Variants in OVCH1 observed in about 807,000 individuals in gnomAD.
OVCH1 encodes the protein ovochymase 1.
In OVCH1, 139 loss-of-function variants were observed where a neutral mutation model predicts 138.4. The ratio of observed to expected loss-of-function variants is 1.00; its 90% CI spans 0.87 to 1.16. OVCH1 has a LOEUF of 1.16. OVCH1 is among the 50% of genes most tolerant of loss of function. The pLI is 0.00. For synonymous variants in OVCH1, 453 were observed against 467.8 expected (o/e 0.97, Z 0.41); for missense variants, 1,367 against 1,357.9 (o/e 1.01, Z -0.11).
intron 3 of OVCH1, among the ~76,000 whole-genome samples, chr12:29,415,124 T>A (rs2135875816): frequency 6.6e-6 from 1 of 152,300 alleles, no homozygotes; most frequent in Non-Finnish European, 1.5e-5. Flanking sequence ...CAGTTATAGA[T>A]AAGTTACTAA....
At chr12:29,413,716 T>C (rs1423985605) in intron 3 of OVCH1, among the ~76,000 whole-genome samples, 1 of 152,082 alleles carries the variant, frequency 6.6e-6, no homozygotes, top group Admixed American at 6.6e-5. Flanking sequence ...TGTTTTATTA[T>C]ATTTTGATTT....
At chr12:29,433,048 T>C (rs2135903702) in intron 27 of OVCH1, among the ~76,000 whole-genome samples, 1 of 152,284 alleles carries the variant, frequency 6.6e-6, no homozygotes, top group East Asian at 1.9e-4. Context: ...CCATGGAGTC[T>C]TGCTAAAAAA....
At chr12:29,422,611 A>C (rs888709516), downstream of OVCH1, among the ~76,000 whole-genome samples, 2 of 152,226 alleles carry the variant, frequency 1.3e-5, no homozygotes, top group African/African-American at 4.8e-5. Flanking sequence ...TGGGAGCATA[A>C]ACTAACAAAT....
intron 3 of OVCH1, among the ~76,000 whole-genome samples, chr12:29,417,713 T>G (rs1287669697): frequency 6.6e-6 from 1 of 152,056 alleles, no homozygotes; most frequent in Non-Finnish European, 1.5e-5. Context: ...CAACTCTCTA[T>G]CCCTGAGATT....
rs114661233 is a variant in OVCH1 at position 29,495,213 on chromosome 12, T to C, written c.454+72A>G. 7.4e-4 allele frequency: 1,036 copies of C among 1,394,822 alleles called. 4 individuals carry two copies. The African/African-American group carries it at 0.013, about 18-fold the overall frequency. 86.4% of individuals were successfully genotyped at this position (1,394,822 alleles called of 1,614,324 possible). ...CTATTACTAGACAGCCACACAGACATTAAAGTTAACTTGTACATAATTAGC... is the reference window on the plus strand; with the variant it reads ...CTATTACTAGACAGCCACACAGACACTAAAGTTAACTTGTACATAATTAGC... On this transcript the variant is annotated intron_variant, in intron 4 of 27. Coordinates refer to ENST00000318184, the Ensembl canonical transcript of OVCH1.
exon 22 of OVCH1, chr12:29,451,391 T>C: frequency 6.2e-7 from 1 of 1,613,200 alleles, no homozygotes. Flanking sequence ...TAATTAGAAC[T>C]GAGTCTTGAC....
At chr12:29,439,383 C>G (rs748282715) in exon 26 of OVCH1, 2 of 1,566,114 alleles carry the variant, frequency 1.3e-6, no homozygotes, top group Middle Eastern at 1.7e-4. Context: ...CAGTTTTTCT[C>G]TTTTTAATAT....
Position 29,486,399 on chromosome 12 carries a change from T to TA in OVCH1, c.893-52dup. The TA allele has an allele frequency of 2.2e-6, 3 of 1,368,828 alleles. No homozygotes were observed. The African/African-American group carries it at 4.4e-5, about 20-fold the overall frequency. The allele number at this position is 1,368,828 out of a possible 1,614,324, so 84.8% of individuals were successfully genotyped here. A position where few individuals can be genotyped will look rare whatever the true frequency, so the allele number is the denominator to read the frequency against. Reference sequence around the variant, plus strand: ...CCTTTCCCAATAATAATCATTTAAATAAAACATTTTTAACAATGTGAAGTT... The same window carrying TA: ...CCTTTCCCAATAATAATCATTTAAATAAAAACATTTTTAACAATGTGAAGTT... On this transcript the variant is annotated intron_variant, in intron 7 of 27. Coordinates refer to ENST00000318184, the Ensembl canonical transcript of OVCH1.
chr12:29,405,021 CAAAAAAAAAAAAA>C, the OVCH1 span, among the ~76,000 whole-genome samples: 53 of 80,434 alleles, frequency 6.6e-4, 1 homozygote, highest in South Asian at 9.6e-3. Flanking sequence ...CACTCCACCT[CAAAAAAAAAAAAA>C]AAAAAAAAAA....
At chr12:29,415,154 A>G (rs1041227611) in intron 3 of OVCH1, among the ~76,000 whole-genome samples, 22 of 152,216 alleles carry the variant, frequency 1.4e-4, no homozygotes, top group African/African-American at 5.1e-4. Context: ...GGGAAGAGAA[A>G]CAAAATCTTA....
intron 3 of OVCH1, among the ~76,000 whole-genome samples, chr12:29,417,225 G>A (rs1941041043): frequency 6.6e-6 from 1 of 152,034 alleles, no homozygotes; most frequent in African/African-American, 2.4e-5. Flanking sequence ...GGCCAAGGCG[G>A]GTGGATCACC....
chr12:29,405,650 CT>C, the OVCH1 span, among the ~76,000 whole-genome samples: 1 of 152,162 alleles, frequency 6.6e-6, no homozygotes, highest in Non-Finnish European at 1.5e-5. Flanking sequence ...ACTCCAAAAA[CT>C]ATTTTGTATG....
In OVCH1 at chr12:29,457,174, TC is replaced by T. The variant is rs544642803; in HGVS notation, c.2281-1770del. 1.5e-3 allele frequency among the ~76,000 whole-genome samples: 223 copies of T among 152,238 alleles called. 1 individual carries two copies. The highest frequency in any genetic ancestry group is 6.8e-3 in the Middle Eastern group (2 of 294). ...ATAACAATTATACTTAAAACCCTCT[TC>T]CAGTTGTTTCCAGTTGGACAATGGT... On this transcript the variant is annotated intron_variant, in intron 19 of 27. Coordinates refer to ENST00000318184, the Ensembl canonical transcript of OVCH1.
At chr12:29,414,883 A>C (rs1358228935) in intron 3 of OVCH1, among the ~76,000 whole-genome samples, 1 of 152,156 alleles carries the variant, frequency 6.6e-6, no homozygotes, top group Non-Finnish European at 1.5e-5. Context: ...TAATATTATG[A>C]AGCAATGCTG....
chr12:29,417,679 TAAG>T (rs746576854), intron 3 of OVCH1, among the ~76,000 whole-genome samples: 4 of 151,930 alleles, frequency 2.6e-5, no homozygotes, highest in Non-Finnish European at 4.4e-5. Flanking sequence ...TAAAGCAAGA[TAAG>T]GAGGGGGTAA....
intron 14 of OVCH1, among the ~76,000 whole-genome samples, 195 bp downstream of exon 14, chr12:29,474,866 C>T (rs1360221183): frequency 2.0e-5 from 3 of 152,096 alleles, no homozygotes; most frequent in Non-Finnish European, 4.4e-5. Context: ...TGAGGTGCTT[C>T]CTAAAGCACA....
chr12:29,485,142 G>T (rs756425040), intron 8 of OVCH1, among the ~76,000 whole-genome samples: 2 of 151,832 alleles, frequency 1.3e-5, no homozygotes, highest in East Asian at 1.9e-4. Context: ...AAGCTGAGGC[G>T]GTTGCATCAC....
chr12:29,406,377 G>A, the OVCH1 span, among the ~76,000 whole-genome samples: 192 of 151,954 alleles, frequency 1.3e-3, no homozygotes, highest in African/African-American at 4.4e-3. Flanking sequence ...AATTACATAC[G>A]TATACATGTG....
At chr12:29,432,434 C>T (rs1941285783) in intron 27 of OVCH1, among the ~76,000 whole-genome samples, 1 of 152,128 alleles carries the variant, frequency 6.6e-6, no homozygotes, top group African/African-American at 2.4e-5. Context: ...AGTTTAATGG[C>T]CTGAGTAATT....
Sources: allele counts gnomAD v4.1 joint callset (sites outside exome capture counted in the v4.1 genomes callset), GRCh38; gene constraint gnomAD v4.1.1; transcripts MANE v1.5; gene names NCBI Gene and HGNC (gene_info 2026-07-23, HGNC 2026-07-21).